SSU72: variants seen among roughly 807,000 people sequenced by gnomAD.
SSU72 encodes the protein RNA polymerase II subunit A C-terminal domain phosphatase SSU72.
SSU72 carries 12 observed loss-of-function variants against 22.7 expected under a neutral mutation model. The ratio of observed to expected loss-of-function variants is 0.53; its 90% CI spans 0.34 to 0.86. SSU72 has a LOEUF of 0.86. SSU72 is among the 40% of genes least tolerant of loss of function. The probability of loss-of-function intolerance (pLI) is 0.02; values close to 1 mark genes in which losing one functional copy is unlikely to be tolerated. For synonymous variants in SSU72, 116 were observed against 98.3 expected (o/e 1.18, Z -1.06); for missense variants, 151 against 249.8 (o/e 0.60, Z 2.67).
intron 2 of SSU72, chr1:1,563,352 T>C (rs950980490): frequency 8.0e-5 from 12 of 149,954 alleles, no homozygotes; most frequent in Non-Finnish European, 1.5e-4. Context: ...GTCAAGATGG[T>C]GAAACCCCCG....
At chr1:1,557,129 T>G (rs1395235920) in intron 2 of SSU72, among the ~76,000 whole-genome samples, 12 of 152,212 alleles carry the variant, frequency 7.9e-5, no homozygotes, top group Non-Finnish European at 1.5e-5. Context: ...ACACAGCTGC[T>G]GGGCGGGACG....
chr1:1,573,741 A>G (rs1026099368), intron 1 of SSU72, among the ~76,000 whole-genome samples: 1 of 152,226 alleles, frequency 6.6e-6, no homozygotes, highest in Non-Finnish European at 1.5e-5. Context: ...TCACGTAGGT[A>G]ACTTTGGAGG....
intron 1 of SSU72, among the ~76,000 whole-genome samples, chr1:1,573,900 C>T (rs1321327635): frequency 1.3e-5 from 2 of 151,964 alleles, no homozygotes; most frequent in Admixed American, 6.6e-5. Flanking sequence ...ACATACGCTA[C>T]GCAAGAGTCA....
rs1225530807 is a variant in SSU72 at position 1,544,958 on chromosome 1, C to T, written c.269G>A (p.Arg90Lys). ...GILHMLDRNK[R>K]IKPRPERFQN... ...GAATCTTTCTGGCCGGGGCTTGATTCTCTTATTTCTGTCCAGCATATGTAA... is the reference window on the plus strand; with the variant it reads ...GAATCTTTCTGGCCGGGGCTTGATTTTCTTATTTCTGTCCAGCATATGTAA... The change falls in exon 3 of 5, where the codon AGA becomes AAA. Residue 90 changes from arginine to lysine, a missense_variant. Transcript: ENST00000291386. 6.2e-7 allele frequency: 1 copy of T among 1,614,206 alleles called. No individual in the cohort carries two copies. Among genetic ancestry groups the T allele is most frequent in the Admixed American group, 1.7e-5 (1 of 60,034 alleles).
At chr1:1,545,181 TC>T in intron 2 of SSU72, 179 bp from the exon 3 acceptor site, 1 of 685,208 alleles carries the variant, frequency 1.5e-6, no homozygotes, top group Non-Finnish European at 2.4e-6. Context: ...TCCTAGGAGG[TC>T]CCACAGAAAA....
intron 2 of SSU72, among the ~76,000 whole-genome samples, chr1:1,547,765 G>C (rs1054860263): frequency 3.3e-5 from 5 of 152,216 alleles, no homozygotes; most frequent in African/African-American, 1.2e-4. Context: ...CTGCGTGCGA[G>C]AGCCTGCTCT....
At chr1:1,567,912 C>CA (rs71574349) in intron 1 of SSU72, among the ~76,000 whole-genome samples, 1,110 of 98,326 alleles carry the variant, frequency 0.011, 27 homozygotes, top group African/African-American at 0.034. Context: ...TACTCTGTTT[C>CA]AAAAAAAAAA....
chr1:1,551,493 T>A (rs1642454825), intron 2 of SSU72, among the ~76,000 whole-genome samples: 1 of 152,156 alleles, frequency 6.6e-6, no homozygotes, highest in Non-Finnish European at 1.5e-5. Context: ...AAAGTAAATT[T>A]CACTTGCGAT....
At chr1:1,559,531 C>T (rs1642559798) in intron 2 of SSU72, among the ~76,000 whole-genome samples, 1 of 152,166 alleles carries the variant, frequency 6.6e-6, no homozygotes, top group Non-Finnish European at 1.5e-5. Context: ...TCCCATTTGT[C>T]TACAAAGGTC....
chr1:1,547,553 G>C (rs918264141), intron 2 of SSU72, among the ~76,000 whole-genome samples: 7 of 152,350 alleles, frequency 4.6e-5, no homozygotes, highest in Admixed American at 1.3e-4. Context: ...GACCTGAGGA[G>C]GACCAAAGGG....
intron 2 of SSU72, chr1:1,564,079 TA>T (rs1229582776): frequency 6.3e-6 from 1 of 157,618 alleles, no homozygotes; most frequent in Admixed American, 6.4e-5. Context: ...TATAACAAAA[TA>T]AGATCCAGAA....
At position 1,554,472 on chromosome 1, in the gene SSU72, A is replaced by G. The variant is rs1055928819; in HGVS notation, c.225-9470T>C. On this transcript the variant is annotated intron_variant, in intron 2 of 4. Coordinates refer to ENST00000291386, the MANE Select transcript of SSU72 (RefSeq NM_014188.3). This position sits in a 1 kb window ranked among gnomAD's most constrained non-coding sequence, Gnocchi z 4.1. ...CTCAGGATAAACCACCCAGGGCCCCAAGGTGCCAGGACATACCAGGAAACG... is the reference window on the plus strand; with the variant it reads ...CTCAGGATAAACCACCCAGGGCCCCGAGGTGCCAGGACATACCAGGAAACG... Among the ~76,000 whole-genome samples the G allele has an allele frequency of 2.6e-5, 4 of 152,178 alleles. No homozygotes were observed. The highest frequency in any genetic ancestry group is 9.7e-5 in the African/African-American group (4 of 41,436).
intron 1 of SSU72, among the ~76,000 whole-genome samples, chr1:1,569,487 A>G (rs2100722818): frequency 6.6e-6 from 1 of 152,268 alleles, no homozygotes; most frequent in African/African-American, 2.4e-5. Context: ...ATAGGGTGAA[A>G]TTGTTACTGT....
chr1:1,574,024 A>C (rs1490273324), intron 1 of SSU72, among the ~76,000 whole-genome samples: 1 of 105,576 alleles, frequency 9.5e-6, no homozygotes, highest in African/African-American at 7.2e-5. Context: ...TCTTTCGCAA[A>C]AAAAAAAAAA....
chr1:1,554,261 C>A lies in SSU72; in HGVS notation c.225-9259G>T, dbSNP rs1370669402. Among the ~76,000 whole-genome samples the A allele has an allele frequency of 2.1e-5, 3 of 145,758 alleles. No individual in the cohort carries two copies. The highest frequency in any genetic ancestry group is 3.0e-5 in the Non-Finnish European group (2 of 66,662). ...GAGCATGAGGCGGACCCGGACCACTCGGGGGCCCCCACGAAGCTGAGCACG... is the reference window on the plus strand; with the variant it reads ...GAGCATGAGGCGGACCCGGACCACTAGGGGGCCCCCACGAAGCTGAGCACG... On this transcript the variant is annotated intron_variant, in intron 2 of 4. Coordinates refer to ENST00000291386, the MANE Select transcript of SSU72 (RefSeq NM_014188.3). The surrounding 1 kb of genome is among the most constrained non-coding windows in gnomAD (Gnocchi z 4.1).
chr1:1,567,930 T>C (rs1214286899), intron 1 of SSU72, among the ~76,000 whole-genome samples: 3 of 74,892 alleles, frequency 4.0e-5, no homozygotes, highest in African/African-American at 9.9e-5. Context: ...AAAAAAAAAA[T>C]CGCACAAAGA....
In SSU72 at chr1:1,542,745, C is replaced by G. The variant is rs1642338779; in HGVS notation, c.484-578G>C. ...GGAGCGGCCTGTCTGTGACTCAGCT[C>G]TGGCCAACGTGACCCAAGCAGAAAT... On this transcript the variant is annotated intron_variant, in intron 4 of 4. Transcript: ENST00000291386. This position sits in a 1 kb window ranked among gnomAD's most constrained non-coding sequence, Gnocchi z 4.4. Among the ~76,000 whole-genome samples, 1 of 152,110 alleles carries G rather than the reference C, an allele frequency of 6.6e-6. No individual in the cohort carries two copies. Among genetic ancestry groups the G allele is most frequent in the South Asian group, 2.1e-4 (1 of 4,832 alleles).
intron 2 of SSU72, among the ~76,000 whole-genome samples, chr1:1,550,126 C>T (rs953608501): frequency 1.3e-5 from 2 of 148,406 alleles, no homozygotes; most frequent in African/African-American, 5.0e-5. Context: ...TGCCATGAGC[C>T]GAGATCACAT....
At chr1:1,563,172 A>G (rs1043197609) in intron 2 of SSU72, 1 of 152,378 alleles carries the variant, frequency 6.6e-6, no homozygotes, top group Middle Eastern at 3.4e-3. Context: ...TTTGCCAGAC[A>G]TACTTTCAGG....
Sources: allele counts gnomAD v4.1 joint callset (sites outside exome capture counted in the v4.1 genomes callset), GRCh38; gene constraint gnomAD v4.1.1; non-coding constraint Gnocchi (gnomAD v3.1); transcripts MANE v1.5; gene names NCBI Gene and HGNC (gene_info 2026-07-23, HGNC 2026-07-21).